FANK1: variants seen among roughly 807,000 people sequenced by gnomAD.
FANK1 encodes the protein fibronectin type III and ankyrin repeat domains 1, also known as fibronectin type 3 and ankyrin repeat domains protein 1.
A neutral mutation model predicts 45.3 loss-of-function variants in FANK1; 44 were observed. The ratio of observed to expected loss-of-function variants is 0.97; its 90% confidence interval spans 0.76 to 1.25. The LOEUF is 1.25. FANK1 is among the 50% of genes most tolerant of loss of function. The probability of loss-of-function intolerance (pLI) is 0.00; values close to 1 mark genes in which losing one functional copy is unlikely to be tolerated. For synonymous variants in FANK1, 149 were observed against 152.5 expected, an observed-to-expected ratio of 0.98 and a Z score of 0.17; for missense variants, 391 against 424.4, an observed-to-expected ratio of 0.92 and a Z score of 0.69.
Position 125,983,721 on chromosome 10 carries a change from G to A in FANK1, c.191+3383G>A, listed in dbSNP as rs1951370990. On this transcript the variant is annotated intron_variant, in intron 2 of 10. Transcript: ENST00000368693. The surrounding 1 kb of genome is among the most constrained non-coding windows in gnomAD (Gnocchi z 4.3). ...GAACAAGGAGGAAAATAATGGGGGC[G>A]AGGGCAGCTGGGTCATGAGAGGTCA... 1.3e-5 allele frequency among the ~76,000 whole-genome samples: 2 copies of A among 152,168 alleles called. No individual in the cohort carries two copies. The highest frequency in any genetic ancestry group is 2.4e-5 in the African/African-American group (1 of 41,440).
intron 2 of FANK1, among the ~76,000 whole-genome samples, chr10:125,981,429 C>T (rs1388308390): frequency 3.4e-5 from 5 of 145,230 alleles, no homozygotes; most frequent in Admixed American, 1.4e-4. Context: ...CCTGGGAGGT[C>T]GAGGCTGCAG....
At chr10:125,967,531 A>G (rs1210371415) in intron 1 of FANK1, among the ~76,000 whole-genome samples, 2 of 152,192 alleles carry the variant, frequency 1.3e-5, no homozygotes, top group African/African-American at 4.8e-5. Flanking sequence ...TTGTGCTGAT[A>G]ATTGAAGCTG....
At chr10:125,985,957 C>T (rs1478965935) in intron 2 of FANK1, among the ~76,000 whole-genome samples, 1 of 152,042 alleles carries the variant, frequency 6.6e-6, no homozygotes, top group Non-Finnish European at 1.5e-5. Flanking sequence ...TCCCTGCTTC[C>T]AAGGGAGGAG....
intron 1 of FANK1, among the ~76,000 whole-genome samples, chr10:125,923,306 TA>T (rs1947077691): frequency 6.8e-6 from 1 of 146,542 alleles, no homozygotes; most frequent in African/African-American, 2.5e-5. Context: ...AAAAAAAAAA[TA>T]AAAATTAGCT....
chr10:125,979,444 A>G (rs1951057748), intron 1 of FANK1, among the ~76,000 whole-genome samples: 1 of 152,152 alleles, frequency 6.6e-6, no homozygotes, highest in South Asian at 2.1e-4. Flanking sequence ...AGATGCTTCC[A>G]TATTGCCCTC....
chr10:126,008,334 T>C (rs2133358246), intron 7 of FANK1, 73 bp from the exon 8 acceptor site: 2 of 1,495,182 alleles, frequency 1.3e-6, no homozygotes, highest in East Asian at 2.4e-5. Flanking sequence ...CAAGCAAATA[T>C]TCCTTTTATA....
At chr10:125,975,742 G>T (rs1278243616) in intron 1 of FANK1, among the ~76,000 whole-genome samples, 1 of 152,182 alleles carries the variant, frequency 6.6e-6, no homozygotes, top group Non-Finnish European at 1.5e-5. Context: ...CTCCCATTCT[G>T]TGCCTTTTAA....
At chr10:125,903,128 C>G (rs1263163298) in intron 1 of FANK1, among the ~76,000 whole-genome samples, 6 of 152,192 alleles carry the variant, frequency 3.9e-5, no homozygotes, top group African/African-American at 1.4e-4. Context: ...ACATGGTCTC[C>G]AGATGGAGTC....
chr10:125,982,955 T>A (rs1379551460), intron 2 of FANK1, among the ~76,000 whole-genome samples: 1 of 151,874 alleles, frequency 6.6e-6, no homozygotes, highest in Non-Finnish European at 1.5e-5. Context: ...GCTGGGCTAA[T>A]TTCCATTTTA....
intron 1 of FANK1, among the ~76,000 whole-genome samples, chr10:125,947,162 C>T (rs1264187454): frequency 2.0e-5 from 3 of 151,746 alleles, no homozygotes; most frequent in African/African-American, 7.3e-5. Context: ...CAAAATCATG[C>T]CAAAATGTAA....
intron 1 of FANK1, among the ~76,000 whole-genome samples, chr10:125,970,714 T>G (rs1590101757): frequency 6.6e-6 from 1 of 152,102 alleles, no homozygotes; most frequent in Admixed American, 6.5e-5. Context: ...CTCGGCAGGC[T>G]GAGGCAGGAG....
chr10:125,933,536 A>G (rs931498518), intron 1 of FANK1, among the ~76,000 whole-genome samples: 5 of 152,094 alleles, frequency 3.3e-5, no homozygotes, highest in Non-Finnish European at 7.4e-5. Flanking sequence ...TTCTTGGTTA[A>G]TCTTGCTAAT....
At chr10:125,915,306 G>A (rs1261593240) in intron 1 of FANK1, among the ~76,000 whole-genome samples, 1 of 152,060 alleles carries the variant, frequency 6.6e-6, no homozygotes, top group Non-Finnish European at 1.5e-5. Context: ...GCAGTGAGAT[G>A]TTACAACCAG....
chr10:125,944,450 C>T (rs952300011), intron 1 of FANK1, among the ~76,000 whole-genome samples: 9 of 152,178 alleles, frequency 5.9e-5, no homozygotes, highest in African/African-American at 1.9e-4. Flanking sequence ...ATTGTGATCT[C>T]TGATGAATAA....
intron 1 of FANK1, among the ~76,000 whole-genome samples, chr10:125,897,175 C>T (rs901018004): frequency 1.4e-5 from 2 of 143,964 alleles, no homozygotes; most frequent in Non-Finnish European, 3.0e-5. Context: ...AAAAGAAGAG[C>T]TTTGTCCAAG....
chr10:125,981,152 C>T (rs1951183115), intron 2 of FANK1, among the ~76,000 whole-genome samples: 1 of 152,186 alleles, frequency 6.6e-6, no homozygotes, highest in Non-Finnish European at 1.5e-5. Context: ...ACAGTGCTGG[C>T]TGTTATATAG....
chr10:125,954,912 C>G (rs1455101591), intron 1 of FANK1, among the ~76,000 whole-genome samples: 1 of 151,672 alleles, frequency 6.6e-6, no homozygotes, highest in East Asian at 1.9e-4. Flanking sequence ...CAGAGTAAGA[C>G]TGTCTCAAAA....
intron 1 of FANK1, among the ~76,000 whole-genome samples, chr10:125,956,379 C>G (rs1468203910): frequency 6.6e-6 from 1 of 152,142 alleles, no homozygotes; most frequent in Admixed American, 6.5e-5. Flanking sequence ...TCCCTTGCCT[C>G]CAAGCTCTAA....
At position 125,916,256 on chromosome 10, in the gene FANK1, C is replaced by T. The variant is rs555191375; in HGVS notation, c.13+19601C>T. Among the ~76,000 whole-genome samples, 13 of 152,042 alleles carry T rather than the reference C, an allele frequency of 8.6e-5. No individual in the cohort carries two copies. In the South Asian group the frequency reaches 1.0e-3, roughly 12 times the overall value. On this transcript the variant is annotated intron_variant, in intron 1 of 10. Transcript: ENST00000368693. ...TTTACCATGTTGGCCAGGATGGTCT[C>T]GATCTCTTGACCCGCCTGCCTTGGC...
Sources: allele counts gnomAD v4.1 joint callset (sites outside exome capture counted in the v4.1 genomes callset), GRCh38; gene constraint gnomAD v4.1.1; non-coding constraint Gnocchi (gnomAD v3.1); transcripts MANE v1.5; gene names NCBI Gene and HGNC (gene_info 2026-07-23, HGNC 2026-07-21).